The following ZSCAN21 variants were observed in gnomAD, a reference collection of about 807,000 sequenced individuals.
ZSCAN21 encodes zinc finger and SCAN domain containing 21.
A neutral mutation model predicts 35.6 loss-of-function variants in ZSCAN21; 26 were observed. That is an observed-to-expected ratio of 0.73 (90% CI 0.54 to 1.01). The LOEUF (loss-of-function observed/expected upper bound fraction) is 1.01, where lower values mean the gene tolerates loss of function less well. Ranked by LOEUF, ZSCAN21 falls within the 50% of genes least tolerant of loss-of-function variation. The pLI, the probability that ZSCAN21 is intolerant of heterozygous loss-of-function variation, is 0.00. For synonymous variants in ZSCAN21, 219 were observed against 219.3 expected, an observed-to-expected ratio of 1.00 and a Z score of 0.01; for missense variants, 593 against 587.1, an observed-to-expected ratio of 1.01 and a Z score of -0.10.
chr7:100,060,992 A>C (rs755160337), intron 3 of ZSCAN21, among the ~76,000 whole-genome samples: 32 of 151,454 alleles, frequency 2.1e-4, no homozygotes, highest in Non-Finnish European at 4.0e-4. Flanking sequence ...CAGGAGGTGG[A>C]GGTTGTGGTG....
chr7:100,059,710 G>T (rs1454092534), intron 3 of ZSCAN21, among the ~76,000 whole-genome samples: 1 of 152,066 alleles, frequency 6.6e-6, no homozygotes, highest in Middle Eastern at 3.4e-3. Flanking sequence ...ACACCACCAC[G>T]CCCAGCTCTT....
chr7:100,062,264 C>T (rs1006532376), intron 3 of ZSCAN21, among the ~76,000 whole-genome samples: 1 of 146,750 alleles, frequency 6.8e-6, no homozygotes, highest in Non-Finnish European at 1.5e-5. Context: ...TTTTAATCTG[C>T]GTGAGGCTCA....
chr7:100,050,304 G>C (rs1389091936), intron 1 of ZSCAN21, among the ~76,000 whole-genome samples: 1 of 152,102 alleles, frequency 6.6e-6, no homozygotes, highest in East Asian at 1.9e-4. Flanking sequence ...GGAAGAAATA[G>C]TCCCCTCGGG....
chr7:100,052,894 C>T (rs949242680), intron 1 of ZSCAN21, among the ~76,000 whole-genome samples: 18 of 152,098 alleles, frequency 1.2e-4, no homozygotes, highest in African/African-American at 1.7e-4. Context: ...TCTGCGAGGC[C>T]GAGGTGGGCA....
chr7:100,053,546 A>ATACATTG (rs755978112), intron 1 of ZSCAN21, among the ~76,000 whole-genome samples: 2 of 79,486 alleles, frequency 2.5e-5, no homozygotes, highest in Non-Finnish European at 5.1e-5. Flanking sequence ...TACATACATA[A>ATACATTG]TTTTTTTTTT....
chr7:100,051,015 A>T (rs1339077842), intron 1 of ZSCAN21, among the ~76,000 whole-genome samples: 1 of 151,252 alleles, frequency 6.6e-6, no homozygotes, highest in Non-Finnish European at 1.5e-5. Context: ...AACATGGAGA[A>T]ACCCCGTCTC....
intron 1 of ZSCAN21, 79 bp downstream of exon 1, chr7:100,049,920 G>C (rs1234516457): frequency 6.6e-6 from 1 of 152,390 alleles, no homozygotes; most frequent in Non-Finnish European, 1.5e-5. Context: ...GGAGGAGTGG[G>C]TTTAGCAGCT....
At chr7:100,062,224 C>A (rs1792330333) in intron 3 of ZSCAN21, among the ~76,000 whole-genome samples, 1 of 151,770 alleles carries the variant, frequency 6.6e-6, no homozygotes, top group Non-Finnish European at 1.5e-5. Context: ...TTTCCTTAAC[C>A]CTGGCCCTGC....
In ZSCAN21 at chr7:100,057,832, G is replaced by T. The variant is rs374319672; in HGVS notation, c.534G>T (p.Leu178=). The change falls in exon 3 of 4, where the codon CTG becomes CTT. Residue 178 remains leucine, a synonymous_variant. Transcript: ENST00000292450. ...ACAAATACGAGTCTTGGGGGCCCCT[G>T]TACATCCAAGAGTCTGGTGAGGAGC... is the stretch of plus-strand genomic sequence containing the variant. The part of the protein sequence containing the change: ...TSHKYESWGP[L]YIQESGEEQE... 34 of 1,613,932 alleles carry T rather than the reference G, an allele frequency of 2.1e-5. No individual in the cohort carries two copies. The African/African-American group carries it at 3.3e-4, about 16-fold the overall frequency.
chr7:100,059,161 T>G (rs1365604868), intron 3 of ZSCAN21, among the ~76,000 whole-genome samples: 2 of 152,222 alleles, frequency 1.3e-5, no homozygotes, highest in Admixed American at 1.3e-4. Flanking sequence ...CCTCCATGCT[T>G]GCTGTGTCTG....
chr7:100,064,373 G>A lies in ZSCAN21; in HGVS notation c.1178G>A (p.Cys393Tyr), dbSNP rs897543256. ...GAGAAGCCTTATCAGTGTAACGAAT[G>A]TGGGAAGAGCTTCAGTCAGCATGCG... The part of the protein sequence containing the change: ...TGEKPYQCNE[C>Y]GKSFSQHAGL... The change falls in exon 4 of 4, where the codon TGT (cysteine) becomes TAT (tyrosine). Residue 393 changes from cysteine (C) to tyrosine (Y), a missense_variant. Physicochemically the swap from Cys to Tyr is radical, Grantham distance 194. Transcript: ENST00000292450. 1.9e-6 allele frequency: 3 copies of A among 1,614,152 alleles called. No individual in the cohort carries two copies. The highest frequency in any genetic ancestry group is 2.5e-6 in the Non-Finnish European group (3 of 1,180,030).
intron 1 of ZSCAN21, among the ~76,000 whole-genome samples, chr7:100,051,282 CTTTTTTTT>C (rs1164734568): frequency 3.1e-3 from 110 of 34,944 alleles, no homozygotes; most frequent in South Asian, 0.014. Context: ...TAGGGATTTT[CTTTTTTTT>C]TTTTTTTTTT....
rs560895044 is a variant in ZSCAN21, at chr7:100,061,603, G to A, written c.593-2185G>A. 2.0e-5 allele frequency among the ~76,000 whole-genome samples: 3 copies of A among 152,352 alleles called. No individual in the cohort carries two copies. The East Asian group carries it at 5.8e-4, about 29-fold the overall frequency. ...TCCAGTGACTCGAAGAGAAGTCTGT[G>A]TGTAGGCAAGCGATTGCTAATTATG... On this transcript the variant is annotated intron_variant, in intron 3 of 3. Coordinates refer to ENST00000292450, the MANE Select transcript of ZSCAN21 (RefSeq NM_145914.3).
intron 1 of ZSCAN21, among the ~76,000 whole-genome samples, chr7:100,056,047 TCTC>T (rs1792063315): frequency 6.6e-6 from 1 of 151,338 alleles, no homozygotes. Flanking sequence ...TTCACACCAT[TCTC>T]CTGCTCAGCC....
intron 3 of ZSCAN21, among the ~76,000 whole-genome samples, chr7:100,061,378 C>T (rs1792283776): frequency 1.3e-5 from 2 of 151,558 alleles, no homozygotes; most frequent in Admixed American, 1.3e-4. Flanking sequence ...GAAAATTAGC[C>T]AGGTGTGGTG....
At position 100,064,189 on chromosome 7, in the gene ZSCAN21, C is replaced by G; in HGVS notation, c.994C>G (p.Pro332Ala). 6.2e-7 allele frequency: 1 copy of G among 1,614,102 alleles called. No homozygotes were observed. Among genetic ancestry groups the G allele is most frequent in the Non-Finnish European group, 8.5e-7 (1 of 1,180,024 alleles). Residue 332 changes from proline (P) to alanine (A), a missense_variant, in exon 4 of 4, where the codon CCC becomes GCC. By Grantham distance (27) the Pro-to-Ala change is conservative. Coordinates refer to ENST00000292450, the MANE Select transcript of ZSCAN21 (RefSeq NM_145914.3). ...LHYRTHLVDR[P>A]YDCKCGKAFG... ...CTACAGAACACACTTGGTGGACCGGCCCTATGACTGTAAGTGTGGAAAAGC... is the reference window on the plus strand; with the variant it reads ...CTACAGAACACACTTGGTGGACCGGGCCTATGACTGTAAGTGTGGAAAAGC...
chr7:100,055,728 C>T (rs1278912362), intron 1 of ZSCAN21, among the ~76,000 whole-genome samples: 2 of 149,786 alleles, frequency 1.3e-5, no homozygotes, highest in South Asian at 2.1e-4. Context: ...GCAAGCTCCA[C>T]GTCCCTGGTT....
chr7:100,062,717 A>G (rs1407107928), intron 3 of ZSCAN21, among the ~76,000 whole-genome samples: 1 of 151,868 alleles, frequency 6.6e-6, no homozygotes, highest in Non-Finnish European at 1.5e-5. Context: ...TCTATTAAAA[A>G]TACAAAAATT....
Position 100,057,364 on chromosome 7 carries a change from C to T in ZSCAN21, c.358C>T (p.Leu120Phe), listed in dbSNP as rs1305654483. Residue 120 changes from leucine (L) to phenylalanine (F), a missense_variant, in exon 2 of 4, where the codon CTC becomes TTC. Leu to Phe is a conservative substitution (Grantham distance 22). Transcript: ENST00000292450. The part of the protein sequence containing the change: ...PESAEEAVTL[L>F]EDLERELDEP... ...GAGCGCTGAAGAGGCTGTCACTCTC[C>T]TCGAAGATCTGGAGCGGGAACTGGA... 1 of 1,577,342 alleles carries T rather than the reference C, an allele frequency of 6.3e-7. No individual in the cohort carries two copies. The highest frequency in any genetic ancestry group is 1.8e-5 in the Admixed American group (1 of 54,246).
Sources: allele counts gnomAD v4.1 joint callset (sites outside exome capture counted in the v4.1 genomes callset), GRCh38; gene constraint gnomAD v4.1.1; transcripts MANE v1.5; gene names NCBI Gene and HGNC (gene_info 2026-07-23, HGNC 2026-07-21).